Variants in FOXP1 observed in about 807,000 individuals in gnomAD.
The protein encoded by FOXP1 is forkhead box P1.
Under a neutral mutation model 98.2 loss-of-function variants are expected in FOXP1, and 15 were observed. That is an observed-to-expected ratio of 0.15 (90% CI 0.10 to 0.24). The LOEUF (loss-of-function observed/expected upper bound fraction) is 0.24, where lower values mean the gene tolerates loss of function less well. FOXP1 is among the 10% of genes least tolerant of loss of function. The pLI, the probability that FOXP1 is intolerant of heterozygous loss-of-function variation, is 1.00. For synonymous variants in FOXP1, 371 were observed against 314.5 expected, an observed-to-expected ratio of 1.18 and a Z score of -1.90; for missense variants, 633 against 848.5, an observed-to-expected ratio of 0.75 and a Z score of 3.15.
chr3:71,489,778 G>C (rs772448754), intron 3 of FOXP1, among the ~76,000 whole-genome samples: 17 of 152,162 alleles, frequency 1.1e-4, no homozygotes, highest in Non-Finnish European at 2.1e-4. Context: ...CATGGTTACC[G>C]CCGGCATCAA....
chr3:70,981,375 C>A (rs2038832532), intron 14 of FOXP1, among the ~76,000 whole-genome samples: 1 of 151,284 alleles, frequency 6.6e-6, no homozygotes, highest in African/African-American at 2.4e-5. Flanking sequence ...ACAAATGACA[C>A]CGTGATTCAC....
chr3:71,005,328 A>AAC (rs1553687878), intron 12 of FOXP1, among the ~76,000 whole-genome samples: 1 of 149,082 alleles, frequency 6.7e-6, no homozygotes, highest in African/African-American at 2.4e-5. Flanking sequence ...AAAAAAAAAA[A>AAC]AAAAAAAAAA....
At chr3:71,568,068 G>A in intron 2 of FOXP1, 1 of 126,664 alleles carries the variant, frequency 7.9e-6, no homozygotes, top group East Asian at 2.8e-4. Context: ...GGAAGAGGGG[G>A]GGAGGAGAGG....
In FOXP1 at chr3:71,244,330, C is replaced by G. The variant is rs575657907; in HGVS notation, c.-11-45938G>C. On this transcript the variant is annotated intron_variant, in intron 5 of 20. Transcript: ENST00000649528. ...CTCGGCTCCAAGCATGATCTCTCCC[C>G]CCTCTTTTAGGTCAGCCACTCATGC... Among the ~76,000 whole-genome samples, 7 of 152,182 alleles carry G rather than the reference C, an allele frequency of 4.6e-5. No homozygotes were observed. The South Asian group carries it at 1.5e-3, about 32-fold the overall frequency.
rs112958395 is a variant in FOXP1, at chr3:71,343,776, G to A, written c.-73+15374C>T. 3.0e-3 allele frequency among the ~76,000 whole-genome samples: 461 copies of A among 152,052 alleles called. 3 individuals are homozygous for A. The highest frequency in any genetic ancestry group is 9.7e-3 in the African/African-American group (401 of 41,476). On this transcript the variant is annotated intron_variant, in intron 4 of 20. Transcript: ENST00000649528. ...ACTCCTGACCTTAAGTGATCTGCCCGCCTTGGCCTCCCAATGTGCTGGGAT... is the reference window on the plus strand; with the variant it reads ...ACTCCTGACCTTAAGTGATCTGCCCACCTTGGCCTCCCAATGTGCTGGGAT...
intron 1 of FOXP1, chr3:71,582,341 C>G: frequency 1.0e-6 from 1 of 967,296 alleles, no homozygotes; most frequent in Non-Finnish European, 1.2e-6. Context: ...TGACCGCGAC[C>G]CCGCGGCAAC....
intron 5 of FOXP1, among the ~76,000 whole-genome samples, chr3:71,227,213 T>A (rs1050445392): frequency 6.6e-6 from 1 of 152,176 alleles, no homozygotes; most frequent in Non-Finnish European, 1.5e-5. Context: ...GCAGCTTTTA[T>A]GATCCTCATG....
chr3:71,405,283 A>C (rs559010057), intron 3 of FOXP1, among the ~76,000 whole-genome samples: 3 of 152,346 alleles, frequency 2.0e-5, no homozygotes, highest in African/African-American at 7.2e-5. Context: ...CAGCTACCTC[A>C]GAAGGCAGGT....
At chr3:71,383,356 C>G (rs2080319986) in intron 3 of FOXP1, among the ~76,000 whole-genome samples, 1 of 152,096 alleles carries the variant, frequency 6.6e-6, no homozygotes, top group South Asian at 2.1e-4. Flanking sequence ...ACTGCATAAC[C>G]AATGGCAACA....
intron 3 of FOXP1, among the ~76,000 whole-genome samples, chr3:71,436,136 T>C (rs1426702793): frequency 6.6e-6 from 1 of 151,918 alleles, no homozygotes; most frequent in Non-Finnish European, 1.5e-5. Context: ...TAATTATTCC[T>C]ATTACATATT....
intron 6 of FOXP1, among the ~76,000 whole-genome samples, chr3:71,186,962 G>A (rs1234871594): frequency 1.3e-5 from 2 of 152,204 alleles, no homozygotes; most frequent in Non-Finnish European, 2.9e-5. Context: ...CACCTCTGCT[G>A]CTGCAGCATG....
intron 5 of FOXP1, among the ~76,000 whole-genome samples, chr3:71,286,298 A>C (rs973738013): frequency 1.1e-4 from 16 of 150,686 alleles, no homozygotes; most frequent in African/African-American, 4.0e-4. Flanking sequence ...CACCATGTAG[A>C]GTGTCCCCCG....
intron 4 of FOXP1, among the ~76,000 whole-genome samples, chr3:71,351,104 C>A (rs1353444922): frequency 6.6e-6 from 1 of 152,088 alleles, no homozygotes; most frequent in African/African-American, 2.4e-5. Flanking sequence ...GGAGTTGCTA[C>A]AAAAACAGAC....
intron 3 of FOXP1, among the ~76,000 whole-genome samples, chr3:71,376,721 T>G (rs1017298390): frequency 6.6e-6 from 1 of 152,172 alleles, no homozygotes; most frequent in Non-Finnish European, 1.5e-5. Context: ...CTCTTAGCCT[T>G]TTCCTCTTAA....
At chr3:70,991,407 C>T (rs1169132010) in intron 13 of FOXP1, among the ~76,000 whole-genome samples, 2 of 152,108 alleles carry the variant, frequency 1.3e-5, no homozygotes, top group Non-Finnish European at 2.9e-5. Flanking sequence ...GTATTGCACC[C>T]GAGCCACTGA....
intron 6 of FOXP1, among the ~76,000 whole-genome samples, chr3:71,116,333 G>A (rs992757175): frequency 2.0e-5 from 3 of 151,922 alleles, no homozygotes; most frequent in East Asian, 1.9e-4. Context: ...GATAATCCAA[G>A]ATACAAGCAC....
At chr3:71,040,403 C>T (rs1451052870) in intron 11 of FOXP1, 2 of 152,048 alleles carry the variant, frequency 1.3e-5, no homozygotes, top group African/African-American at 4.8e-5. Context: ...GGAAGCTCTG[C>T]CTATGAAATA....
intron 7 of FOXP1, among the ~76,000 whole-genome samples, chr3:71,076,797 C>T (rs1185598089): frequency 6.6e-6 from 1 of 152,204 alleles, no homozygotes; most frequent in Admixed American, 6.5e-5. Context: ...TCTCATCCAG[C>T]CTTGACCTCA....
Position 70,979,785 on chromosome 3 carries a change from A to G in FOXP1, c.1147-1756T>C, listed in dbSNP as rs116255576. Among the ~76,000 whole-genome samples the G allele has an allele frequency of 2.4e-3, 365 of 152,198 alleles. 1 individual carries two copies. The highest frequency in any genetic ancestry group is 8.5e-3 in the African/African-American group (353 of 41,528). On this transcript the variant is annotated intron_variant, in intron 14 of 20. Coordinates refer to ENST00000649528, the MANE Select transcript of FOXP1 (RefSeq NM_001349338.3). Reference sequence around the variant, plus strand: ...CTTTACTCACACTCTAGTTAAAAAAAAAAAAAAAGGGAGGGGGGCCTGAGA... The same window carrying G: ...CTTTACTCACACTCTAGTTAAAAAAGAAAAAAAAGGGAGGGGGGCCTGAGA...
Sources: gnomAD v4.1 joint callset for allele counts (sites outside exome capture counted in the v4.1 genomes callset) on GRCh38, gnomAD v4.1.1 for gene constraint, MANE v1.5 for transcripts, NCBI Gene and HGNC (gene_info 2026-07-23, HGNC 2026-07-21) for gene names.